PCDH7: variants seen among roughly 807,000 people sequenced by gnomAD.
The protein encoded by PCDH7 is protocadherin-7.
A neutral mutation model predicts 58.9 loss-of-function variants in PCDH7; 17 were observed. The ratio of observed to expected loss-of-function variants is 0.29; its 90% CI spans 0.20 to 0.43. The LOEUF (loss-of-function observed/expected upper bound fraction) is 0.43. Ranked by LOEUF, PCDH7 falls within the 20% of genes least tolerant of loss-of-function variation. PCDH7 has a pLI of 1.00. For missense variants in PCDH7, 1,274 were observed against 1,441.0 expected (o/e 0.88, Z 1.88); for synonymous variants, 664 against 616.4 (o/e 1.08, Z -1.14).
chr4:31,145,660 T>G (rs1354665185), downstream of PCDH7: 3 of 152,074 alleles, frequency 2.0e-5, no homozygotes, highest in Non-Finnish European at 4.4e-5. Flanking sequence ...AAAATTTGCC[T>G]TCTGACAAAC....
intron 3 of PCDH7, among the ~76,000 whole-genome samples, chr4:30,950,518 C>A (rs1350634886): frequency 2.6e-5 from 4 of 152,094 alleles, no homozygotes. Flanking sequence ...TATGAATATG[C>A]CACTTTCAAC....
rs111483746 is a variant in PCDH7, at chr4:30,747,118, G to A, written c.70+22522G>A. 6.6e-5 allele frequency among the ~76,000 whole-genome samples: 10 copies of A among 151,934 alleles called. No individual in the cohort carries two copies. The East Asian group carries it at 1.7e-3, about 26-fold the overall frequency. ...CAATTTATATTATGATTTTCTAAAG[G>A]CATTAGCTGAAACAACCTGTATGTT... On this transcript the variant is annotated intron_variant, in intron 1 of 3. Coordinates refer to the PCDH7 transcript ENST00000509759.
At chr4:30,955,684 G>A (rs1395376263) in intron 3 of PCDH7, among the ~76,000 whole-genome samples, 2 of 151,874 alleles carry the variant, frequency 1.3e-5, no homozygotes, top group East Asian at 4.0e-4. Flanking sequence ...CAGTAGCTGG[G>A]ATTACAGGCA....
intron 3 of PCDH7, among the ~76,000 whole-genome samples, chr4:31,025,434 T>C (rs1359328461): frequency 6.6e-6 from 1 of 152,212 alleles, no homozygotes; most frequent in Non-Finnish European, 1.5e-5. Context: ...TGGAGGATTC[T>C]CGTTTTTTCT....
chr4:30,992,384 G>T (rs964318001), intron 3 of PCDH7, among the ~76,000 whole-genome samples: 3 of 152,192 alleles, frequency 2.0e-5, no homozygotes, highest in Non-Finnish European at 2.9e-5. Context: ...GATATGAGAT[G>T]ATCTTACAGG....
chr4:31,097,714 G>A (rs1252788086), intron 3 of PCDH7, among the ~76,000 whole-genome samples: 1 of 145,866 alleles, frequency 6.9e-6, no homozygotes, highest in Non-Finnish European at 1.5e-5. Flanking sequence ...TACCTAATAA[G>A]CAAGTATGGA....
At chr4:31,144,137 T>G (rs949217394), downstream of PCDH7, 1 of 152,212 alleles carries the variant, frequency 6.6e-6, no homozygotes, top group East Asian at 1.9e-4. Flanking sequence ...GTGCACACTT[T>G]GATGCACCAC....
chr4:30,725,325 G>A, intron 1 of PCDH7: 1 of 983,592 alleles, frequency 1.0e-6, no homozygotes, highest in Non-Finnish European at 1.2e-6. Context: ...TACATTGCAT[G>A]AGCCATTTAT....
intron 3 of PCDH7, among the ~76,000 whole-genome samples, chr4:31,020,350 CCTCT>C (rs148459708): frequency 1.3e-5 from 2 of 152,090 alleles, no homozygotes; most frequent in African/African-American, 2.4e-5. Flanking sequence ...GAGATTCTCT[CCTCT>C]CTCTCTCCCT....
At chr4:31,084,943 C>T (rs1457776984) in intron 3 of PCDH7, among the ~76,000 whole-genome samples, 1 of 152,116 alleles carries the variant, frequency 6.6e-6, no homozygotes, top group Non-Finnish European at 1.5e-5. Flanking sequence ...ACACCAGGCC[C>T]TACCTCTGTA....
chr4:30,758,264 T>C (rs993010532), intron 1 of PCDH7, among the ~76,000 whole-genome samples: 6 of 152,110 alleles, frequency 3.9e-5, no homozygotes, highest in African/African-American at 9.7e-5. Flanking sequence ...TATGGGATAC[T>C]TGAAGCCTGG....
chr4:30,785,592 G>C lies in PCDH7; in HGVS notation c.70+60996G>C, dbSNP rs986097453. On this transcript the variant is annotated intron_variant, in intron 1 of 3. Transcript: ENST00000509759. ...ATACAGCTAATATTGATAATATACT[G>C]TCAGAGCATTTTAATGCATTTTCTG... 2.0e-5 allele frequency among the ~76,000 whole-genome samples: 3 copies of C among 151,894 alleles called. No individual in the cohort carries two copies. The South Asian group carries it at 6.2e-4, about 31-fold the overall frequency.
intron 1 of PCDH7, among the ~76,000 whole-genome samples, chr4:30,741,278 T>A (rs1178962542): frequency 1.3e-5 from 2 of 151,792 alleles, no homozygotes; most frequent in African/African-American, 2.4e-5. Context: ...GCCGAGTGTG[T>A]CACTCGGGCT....
chr4:30,842,293 A>C (rs1374357856), intron 1 of PCDH7, among the ~76,000 whole-genome samples: 4 of 152,204 alleles, frequency 2.6e-5, no homozygotes, highest in Non-Finnish European at 5.9e-5. Context: ...CCGAATGCAT[A>C]GAAATACATA....
chr4:30,787,987 G>A (rs1374653), intron 1 of PCDH7, among the ~76,000 whole-genome samples: 24,027 of 151,916 alleles, frequency 0.16, 2,148 homozygotes, highest in East Asian at 0.31. Flanking sequence ...CAATTGAGCC[G>A]TTTAAATTAA....
chr4:30,763,887 A>G (rs1720360409), intron 1 of PCDH7, among the ~76,000 whole-genome samples: 1 of 152,322 alleles, frequency 6.6e-6, no homozygotes. Context: ...ATTTGGAATG[A>G]AAATGAAACT....
chr4:30,723,833 T>C lies in PCDH7; in HGVS notation c.2411T>C (p.Val804Ala), dbSNP rs770323457. The change falls in exon 1 of 2, where the codon GTG (valine) becomes GCG (alanine). Residue 804 changes from valine (V) to alanine (A), a missense_variant. Val to Ala is a moderately conservative substitution (Grantham distance 64, BLOSUM62 0). This residue lies in a region of PCDH7 where 731 missense variants were observed against 881.9 expected (regional missense o/e 0.83). Transcript: ENST00000361762. This position sits in a 1 kb window ranked among gnomAD's most constrained non-coding sequence, Gnocchi z 4.6. Reference sequence around the variant, plus strand: ...CCCACTAGTGGTGTGGTTTCCTTAGTGGGAAAACTCACCCAAAAGCATTAT... The same window carrying C: ...CCCACTAGTGGTGTGGTTTCCTTAGCGGGAAAACTCACCCAAAAGCATTAT... 2 of 1,614,160 alleles carry C rather than the reference T, an allele frequency of 1.2e-6. No homozygotes were observed. Among genetic ancestry groups the C allele is most frequent in the Middle Eastern group, 1.6e-4 (1 of 6,062 alleles).
chr4:31,109,086 A>AAGG (rs1277273639), intron 3 of PCDH7, among the ~76,000 whole-genome samples: 1 of 152,198 alleles, frequency 6.6e-6, no homozygotes, highest in African/African-American at 2.4e-5. Context: ...CCATGACAGA[A>AAGG]ATGACACAAG....
chr4:31,025,032 T>C (rs1754318276), intron 3 of PCDH7, among the ~76,000 whole-genome samples: 1 of 152,202 alleles, frequency 6.6e-6, no homozygotes, highest in African/African-American at 2.4e-5. Flanking sequence ...CGTGAGCCAC[T>C]GCGCCCGGCC....
Sources: gnomAD v4.1 joint callset for allele counts (sites outside exome capture counted in the v4.1 genomes callset) on GRCh38, gnomAD v4.1.1 for gene constraint, gnomAD v4.1.1 regional missense constraint, Gnocchi (gnomAD v3.1) non-coding constraint, MANE v1.5 for transcripts, NCBI Gene and HGNC (gene_info 2026-07-23, HGNC 2026-07-21) for gene names.